Variants in QSER1 observed in about 807,000 individuals in gnomAD.
The protein encoded by QSER1 is glutamine and serine-rich protein 1.
QSER1 carries 49 observed loss-of-function variants against 158.5 expected under a neutral mutation model. The ratio of observed to expected loss-of-function variants is 0.31; its 90% CI spans 0.25 to 0.39. The LOEUF (loss-of-function observed/expected upper bound fraction) is 0.39, where lower values mean the gene tolerates loss of function less well. Ranked by LOEUF, QSER1 falls within the 10% of genes least tolerant of loss-of-function variation. QSER1 has a pLI of 1.00. For missense variants in QSER1, 1,754 were observed against 2,010.3 expected, an observed-to-expected ratio of 0.87 and a Z score of 2.44; for synonymous variants, 650 against 715.5, an observed-to-expected ratio of 0.91 and a Z score of 1.46.
In QSER1 at chr11:32,976,621, G is replaced by T; in HGVS notation, c.*147G>T. On this transcript the variant is annotated 3_prime_UTR_variant, in exon 13 of 13. Coordinates refer to ENST00000650167, the MANE Select transcript of QSER1 (RefSeq NM_001076786.3). ...TCATTACCACCTCTGCTGAAGGACA[G>T]TGGTGCGGCCTTTAGGAACGAAGTT... 2.4e-6 allele frequency: 2 copies of T among 847,900 alleles called. No individual in the cohort carries two copies. The allele number at this position is 847,900 out of a possible 1,614,324, so 52.5% of individuals were successfully genotyped here. A position where few individuals can be genotyped will look rare whatever the true frequency, so the allele number is the denominator to read the frequency against.
chr11:32,930,171 C>T (rs1299982630), intron 3 of QSER1, among the ~76,000 whole-genome samples: 1 of 152,104 alleles, frequency 6.6e-6, no homozygotes, highest in Non-Finnish European at 1.5e-5. Context: ...CACAAAAGAA[C>T]AATAGGAGAT....
chr11:32,946,716 T>A (rs1852338436), intron 4 of QSER1, among the ~76,000 whole-genome samples: 1 of 152,052 alleles, frequency 6.6e-6, no homozygotes, highest in Admixed American at 6.5e-5. Context: ...AGGTGGAGCC[T>A]ACAGAGGCAG....
intron 8 of QSER1, among the ~76,000 whole-genome samples, chr11:32,963,631 A>G (rs1852669733): frequency 6.6e-6 from 1 of 151,884 alleles, no homozygotes; most frequent in Non-Finnish European, 1.5e-5. Flanking sequence ...GATTACGTGC[A>G]TGAGCCACCG....
At chr11:32,956,171 T>A (rs772591246) in intron 7 of QSER1, 50 bp downstream of exon 7, 1 of 1,464,720 alleles carries the variant, frequency 6.8e-7, no homozygotes, top group Non-Finnish European at 9.5e-7. Flanking sequence ...AGGTGTATTA[T>A]TGATGATACC....
intron 4 of QSER1, among the ~76,000 whole-genome samples, chr11:32,950,237 G>T (rs1027970216): frequency 6.6e-6 from 1 of 152,026 alleles, no homozygotes; most frequent in Non-Finnish European, 1.5e-5. Context: ...TGAGATTACA[G>T]ACCCCTGCCA....
At chr11:32,946,991 TC>T (rs1852344980) in intron 4 of QSER1, among the ~76,000 whole-genome samples, 1 of 152,238 alleles carries the variant, frequency 6.6e-6, no homozygotes, top group Non-Finnish European at 1.5e-5. Context: ...GACCTGATTT[TC>T]CAGGTGCCGT....
rs753019396 is a variant in QSER1 at position 32,957,873 on chromosome 11, G to A, written c.4756G>A (p.Val1586Ile). 11 of 1,613,422 alleles carry A rather than the reference G, an allele frequency of 6.8e-6. No homozygotes were observed. The East Asian group carries it at 2.5e-4, about 36-fold the overall frequency. Residue 1586 changes from valine to isoleucine, a missense_variant, in exon 8 of 13, where the codon GTT (valine) becomes ATT (isoleucine). Val to Ile is a conservative substitution (Grantham distance 29). Coordinates refer to ENST00000650167, the MANE Select transcript of QSER1 (RefSeq NM_001076786.3). ...RNKPSQTIRT[V>I]QAKPSSSSKT... Reference sequence around the variant, plus strand: ...AGTTTGTTTATAACATTGCAGAACTGTTCAAGCTAAGCCAAGTAGTAGCAG... The same window carrying A: ...AGTTTGTTTATAACATTGCAGAACTATTCAAGCTAAGCCAAGTAGTAGCAG...
chr11:32,935,394 TAAC>T lies in QSER1; in HGVS notation c.4137_4139del (p.Leu1379_Thr1380delinsPhe). Reference sequence around the variant, plus strand: ...GCTTATAAAAGCGTCTCTACTCCCTTAACTACTTTGGATGCTACTTCTGATAAA... The same window carrying T: ...GCTTATAAAAGCGTCTCTACTCCCTTTACTTTGGATGCTACTTCTGATAAA... On this transcript the variant is annotated inframe_deletion, in exon 4 of 13. Transcript: ENST00000650167. The T allele has an allele frequency of 5.1e-6, 8 of 1,561,324 alleles. No homozygotes were observed. Among genetic ancestry groups the T allele is most frequent in the Non-Finnish European group, 6.9e-6 (8 of 1,161,090 alleles).
intron 11 of QSER1, among the ~76,000 whole-genome samples, chr11:32,974,652 A>G (rs1852939793): frequency 6.6e-6 from 1 of 152,204 alleles, no homozygotes; most frequent in African/African-American, 2.4e-5. Context: ...TAGTATGCCA[A>G]GTACAGTTCT....
At position 32,933,188 on chromosome 11, in the gene QSER1, T is replaced by TTTTTGCCTGCTGTCCAGTCATCATC; in HGVS notation, c.1937_1961dup (p.Ser655CysfsTer19). The TTTTTGCCTGCTGTCCAGTCATCATC allele has an allele frequency of 6.2e-7, 1 of 1,613,828 alleles. No homozygotes were observed. On this transcript the variant is annotated frameshift_variant, in exon 4 of 13. Transcript: ENST00000650167. LOFTEE classifies it high-confidence loss of function. ...GTCATCATCTCCCCAGTCCCAGAAG[T>TTTTTGCCTGCTGTCCAGTCATCATC]TTTTGCCTGCTGTCCAGTCATCATC...
At chr11:32,899,917 G>A (rs899084482) in intron 1 of QSER1, among the ~76,000 whole-genome samples, 3 of 152,086 alleles carry the variant, frequency 2.0e-5, no homozygotes, top group Non-Finnish European at 4.4e-5. Context: ...TTTCCAAAAT[G>A]ACATATCCAA....
rs375985842 is a variant in QSER1, at chr11:32,964,717, C to CATATATATAT, written c.4970-1569_4970-1560dup. On this transcript the variant is annotated intron_variant, in intron 8 of 12. Transcript: ENST00000650167. ...TATCTCTAAGAAAAAAAAAAAACACCATATATATATATATATATATATACA... is the reference window on the plus strand; with the variant it reads ...TATCTCTAAGAAAAAAAAAAAACACCATATATATATATATATATATATATATATATATACA... Among the ~76,000 whole-genome samples the CATATATATAT allele has an allele frequency of 6.9e-3, 443 of 64,102 alleles. 3 individuals carry two copies. Among genetic ancestry groups the CATATATATAT allele is most frequent in the Middle Eastern group, 0.012 (1 of 84 alleles). 42.1% of individuals were successfully genotyped at this position (64,102 alleles called of 152,430 possible). A position where few individuals can be genotyped will look rare whatever the true frequency, so the allele number is the denominator to read the frequency against.
chr11:32,943,544 T>A lies in QSER1; in HGVS notation c.4177+8109T>A, dbSNP rs375630577. Among the ~76,000 whole-genome samples the A allele has an allele frequency of 1.2e-4, 18 of 150,514 alleles. No homozygotes were observed. In the East Asian group the frequency reaches 2.7e-3, roughly 23 times the overall value. ...TATATGCTGGATTACATTTATTGAT[T>A]TGCGTATATTGAACCAGCCTTGCAT... On this transcript the variant is annotated intron_variant, in intron 4 of 12. Transcript: ENST00000650167.
chr11:32,894,403 A>T (rs904074309), intron 1 of QSER1, among the ~76,000 whole-genome samples: 2 of 152,216 alleles, frequency 1.3e-5, no homozygotes, highest in African/African-American at 4.8e-5. Context: ...TACATGGACC[A>T]GGGAATCCTG....
At chr11:32,894,145 C>CT (rs1373988480) in intron 1 of QSER1, among the ~76,000 whole-genome samples, 3 of 152,142 alleles carry the variant, frequency 2.0e-5, no homozygotes, top group Non-Finnish European at 4.4e-5. Context: ...CCATCTCGGC[C>CT]TTTAAGGTCC....
rs753610431 is a variant in QSER1 at position 32,966,296 on chromosome 11, C to G, written c.4970-4C>G. 20 of 1,610,262 alleles carry G rather than the reference C, an allele frequency of 1.2e-5. No individual in the cohort carries two copies. In the East Asian group the frequency reaches 4.2e-4, roughly 34 times the overall value. ...TTTAATATTTAACCCTTTCTCCCTC[C>G]CAGAATTTGAACCTCCCGCTCCCTT... On this transcript the variant is annotated splice_region_variant and splice_polypyrimidine_tract_variant and intron_variant, in intron 8 of 12. Transcript: ENST00000650167.
intron 4 of QSER1, among the ~76,000 whole-genome samples, chr11:32,938,525 G>A (rs1852185728): frequency 2.6e-5 from 4 of 152,186 alleles, no homozygotes; most frequent in Admixed American, 2.6e-4. Context: ...ACATTTCACA[G>A]TTCCATGGTA....
chr11:32,957,134 C>CTT (rs548632242), intron 7 of QSER1, among the ~76,000 whole-genome samples: 24 of 127,870 alleles, frequency 1.9e-4, no homozygotes, highest in Admixed American at 5.6e-4. Flanking sequence ...CTTTTTTTTT[C>CTT]TTTTTTTTTT....
At position 32,976,490 on chromosome 11, in the gene QSER1, C is replaced by A; in HGVS notation, c.*16C>A. 2 of 1,609,670 alleles carry A rather than the reference C, an allele frequency of 1.2e-6. No homozygotes were observed. The highest frequency in any genetic ancestry group is 1.7e-6 in the Non-Finnish European group (2 of 1,178,468). ...ATGTTCCTGACTTTTCCACAAAAATCCCATCTTTTTATAGCACTAATGAAA... is the reference window on the plus strand; with the variant it reads ...ATGTTCCTGACTTTTCCACAAAAATACCATCTTTTTATAGCACTAATGAAA... On this transcript the variant is annotated 3_prime_UTR_variant, in exon 13 of 13. Coordinates refer to ENST00000650167, the MANE Select transcript of QSER1 (RefSeq NM_001076786.3).
Sources: gnomAD v4.1 joint callset for allele counts (sites outside exome capture counted in the v4.1 genomes callset) on GRCh38, gnomAD v4.1.1 for gene constraint, MANE v1.5 for transcripts, NCBI Gene and HGNC (gene_info 2026-07-23, HGNC 2026-07-21) for gene names.